Variants in CHL1 observed in about 807,000 individuals in gnomAD.
The protein encoded by CHL1 is neural cell adhesion molecule L1-like protein.
A neutral mutation model predicts 141.9 loss-of-function variants in CHL1; 96 were observed. The ratio of observed to expected loss-of-function variants is 0.68; its 90% CI spans 0.57 to 0.80. CHL1 has a LOEUF of 0.80. Ranked by LOEUF, CHL1 falls within the 30% of genes least tolerant of loss-of-function variation. CHL1 has a pLI of 0.00. For missense variants in CHL1, 1,820 were observed against 1,457.2 expected, an observed-to-expected ratio of 1.25 and a Z score of -4.05; for synonymous variants, 613 against 502.2, an observed-to-expected ratio of 1.22 and a Z score of -2.95.
chr3:245,898 T>C (rs1574845548), intron 2 of CHL1, among the ~76,000 whole-genome samples: 1 of 152,134 alleles, frequency 6.6e-6, no homozygotes, highest in East Asian at 1.9e-4. Flanking sequence ...CCCTCCACTA[T>C]TTTTAGATCT....
chr3:279,399 C>G (rs1696438693), intron 2 of CHL1, among the ~76,000 whole-genome samples: 1 of 151,922 alleles, frequency 6.6e-6, no homozygotes, highest in Non-Finnish European at 1.5e-5. Flanking sequence ...TTTCCTTCTT[C>G]TTAAGGTAAA....
intron 2 of CHL1, among the ~76,000 whole-genome samples, chr3:277,366 T>A (rs1696237748): frequency 6.6e-6 from 1 of 152,142 alleles, no homozygotes; most frequent in South Asian, 2.1e-4. Flanking sequence ...CAGGAATGAG[T>A]AACTAGTGCA....
At chr3:299,604 A>C (rs1312492211) in intron 2 of CHL1, among the ~76,000 whole-genome samples, 1 of 152,182 alleles carries the variant, frequency 6.6e-6, no homozygotes, top group Non-Finnish European at 1.5e-5. Flanking sequence ...TAACATCTTG[A>C]TTTTATAAAT....
chr3:216,669 A>C lies in CHL1; in HGVS notation c.-175+19606A>C, dbSNP rs115397235. Among the ~76,000 whole-genome samples the C allele has an allele frequency of 4.6e-3, 705 of 152,302 alleles. 2 individuals carry two copies. Among genetic ancestry groups the C allele is most frequent in the Middle Eastern group, 0.034 (10 of 294 alleles). ...TATTGGCAATATATTTGGTAGACTT[A>C]TTTCTTCTGTAGGCATATGATGCCA... On this transcript the variant is annotated intron_variant, in intron 1 of 27. Coordinates refer to ENST00000256509, the MANE Select transcript of CHL1 (RefSeq NM_006614.4).
intron 11 of CHL1, among the ~76,000 whole-genome samples, chr3:357,561 C>T (rs1000601662): frequency 6.6e-6 from 1 of 152,118 alleles, no homozygotes; most frequent in Non-Finnish European, 1.5e-5. Context: ...GGATTAACTC[C>T]AGAGCTGAAG....
At chr3:255,765 G>A (rs1479197993) in intron 2 of CHL1, among the ~76,000 whole-genome samples, 6 of 152,088 alleles carry the variant, frequency 3.9e-5, no homozygotes, top group South Asian at 2.1e-4. Flanking sequence ...GCCATTGCCC[G>A]TAGCATATTT....
At chr3:361,313 A>G (rs1049175704) in intron 12 of CHL1, among the ~76,000 whole-genome samples, 4 of 144,256 alleles carry the variant, frequency 2.8e-5, no homozygotes, top group Non-Finnish European at 4.6e-5. Context: ...AGGCATGGGC[A>G]AGGACTTCAT....
chr3:319,700 G>T lies in CHL1; in HGVS notation c.-77G>T. 1 of 844,066 alleles carries T rather than the reference G, an allele frequency of 1.2e-6. No homozygotes were observed. Among genetic ancestry groups the T allele is most frequent in the Non-Finnish European group, 2.0e-6 (1 of 510,280 alleles). The allele number at this position is 844,066 out of a possible 1,614,324, so 52.3% of individuals were successfully genotyped here. ...GTTTTTAGTTTCCAGGTTAACTAAGGTCTCAGCTGTAAACCAAAAGTGAGA... is the reference window on the plus strand; with the variant it reads ...GTTTTTAGTTTCCAGGTTAACTAAGTTCTCAGCTGTAAACCAAAAGTGAGA... On this transcript the variant is annotated 5_prime_UTR_variant, in exon 3 of 28. Coordinates refer to ENST00000256509, the MANE Select transcript of CHL1 (RefSeq NM_006614.4).
intron 2 of CHL1, among the ~76,000 whole-genome samples, chr3:263,290 G>T (rs1694888719): frequency 6.6e-6 from 1 of 151,908 alleles, no homozygotes; most frequent in South Asian, 2.1e-4. Context: ...GGGTGGTATA[G>T]GTACATTAAG....
rs146424221 is a variant in CHL1, at chr3:329,153, C to T, written c.385+799C>T. 1.4e-3 allele frequency among the ~76,000 whole-genome samples: 216 copies of T among 152,156 alleles called. 1 individual carries two copies. Among genetic ancestry groups the T allele is most frequent in the African/African-American group, 4.6e-3 (191 of 41,538 alleles). On this transcript the variant is annotated intron_variant, in intron 5 of 27. Transcript: ENST00000256509. ...CATGACCACCTTTTATATTTTATCA[C>T]GTTTTCCCCCTGTTCTTAATATATC...
At chr3:265,218 G>T (rs889484568) in intron 2 of CHL1, among the ~76,000 whole-genome samples, 2 of 152,202 alleles carry the variant, frequency 1.3e-5, no homozygotes, top group African/African-American at 4.8e-5. Context: ...TTTGCTAGCT[G>T]CATGAACTTA....
Position 210,343 on chromosome 3 carries a change from C to T in CHL1, c.-175+13280C>T, listed in dbSNP as rs539329455. Among the ~76,000 whole-genome samples the T allele has an allele frequency of 3.9e-5, 6 of 152,296 alleles. No individual in the cohort carries two copies. In the East Asian group the frequency reaches 7.7e-4, roughly 20 times the overall value. ...TAGGTGAGGAATTTAGGCAGGGCTC[C>T]GCTGGGTGATTTCTTCTGCCCCATT... On this transcript the variant is annotated intron_variant, in intron 1 of 27. Coordinates refer to ENST00000256509, the MANE Select transcript of CHL1 (RefSeq NM_006614.4).
Position 341,952 on chromosome 3 carries a change from C to T in CHL1, c.549C>T (p.Ser183=). Residue 183 remains serine, a synonymous_variant, in exon 7 of 28, where the codon AGC becomes AGT. Transcript: ENST00000256509. ...HIEQDERVYM[S]QKGDLYFANV... ...AACAAGATGAAAGAGTATACATGAGCCAAAAGGGAGATCTATACTTCGCAA... is the reference window on the plus strand; with the variant it reads ...AACAAGATGAAAGAGTATACATGAGTCAAAAGGGAGATCTATACTTCGCAA... 1.9e-6 allele frequency: 3 copies of T among 1,612,542 alleles called. No individual in the cohort carries two copies. Among genetic ancestry groups the T allele is most frequent in the Non-Finnish European group, 1.7e-6 (2 of 1,179,002 alleles).
intron 26 of CHL1, among the ~76,000 whole-genome samples, chr3:399,526 G>C (rs971771344): frequency 6.6e-5 from 10 of 152,150 alleles, no homozygotes; most frequent in African/African-American, 1.7e-4. Context: ...TGTAATCCCA[G>C]CTACTCGGAA....
chr3:268,679 T>G (rs1402531832), intron 2 of CHL1, among the ~76,000 whole-genome samples: 2 of 152,238 alleles, frequency 1.3e-5, no homozygotes, highest in Non-Finnish European at 2.9e-5. Flanking sequence ...ATGCCATAAA[T>G]ATATCTTGCA....
chr3:373,940 G>A (rs79725122), intron 15 of CHL1: 1 of 152,374 alleles, frequency 6.6e-6, no homozygotes. Flanking sequence ...GTTCTTCTAA[G>A]AGAAACCTGG....
intron 13 of CHL1, among the ~76,000 whole-genome samples, chr3:362,022 C>T (rs1320534398): frequency 6.6e-6 from 1 of 152,124 alleles, no homozygotes; most frequent in Non-Finnish European, 1.5e-5. Flanking sequence ...TAGAGACATA[C>T]AGAGAGCCAC....
intron 26 of CHL1, among the ~76,000 whole-genome samples, chr3:399,795 CCTCT>C (rs1225614931): frequency 3.3e-5 from 5 of 152,244 alleles, no homozygotes; most frequent in African/African-American, 1.2e-4. Flanking sequence ...GTATAGCACG[CCTCT>C]CTCTATGCAT....
chr3:317,298 T>C (rs1700217473), intron 2 of CHL1, among the ~76,000 whole-genome samples: 1 of 151,980 alleles, frequency 6.6e-6, no homozygotes, highest in Non-Finnish European at 1.5e-5. Flanking sequence ...AATTAGTATC[T>C]ATAAGCTACT....
Sources: allele counts gnomAD v4.1 joint callset (sites outside exome capture counted in the v4.1 genomes callset), GRCh38; gene constraint gnomAD v4.1.1; transcripts MANE v1.5; gene names NCBI Gene and HGNC (gene_info 2026-07-23, HGNC 2026-07-21).